Variants in ITSN1 observed in about 807,000 individuals in gnomAD.
ITSN1 encodes the protein intersectin 1, also known as intersectin-1.
In ITSN1, 58 loss-of-function variants were observed where a neutral mutation model predicts 239.8. That is an observed-to-expected ratio of 0.24 (90% CI 0.20 to 0.30). The LOEUF is 0.30. Among genes scored for constraint, ITSN1 ranks in the 10% least tolerant of loss-of-function variants. The pLI is 1.00. For missense variants in ITSN1, 1,558 were observed against 2,103.3 expected, an observed-to-expected ratio of 0.74 and a Z score of 5.07; for synonymous variants, 780 against 770.8, an observed-to-expected ratio of 1.01 and a Z score of -0.20.
chr21:33,649,484 A>C (rs2088306070), intron 1 of ITSN1, among the ~76,000 whole-genome samples: 1 of 152,174 alleles, frequency 6.6e-6, no homozygotes, highest in Admixed American at 6.5e-5. Context: ...AGCTTGCTTT[A>C]TTAGCTTACT....
intron 20 of ITSN1, among the ~76,000 whole-genome samples, chr21:33,808,912 G>A (rs921286042): frequency 2.6e-5 from 4 of 152,320 alleles, no homozygotes; most frequent in African/African-American, 9.6e-5. Flanking sequence ...CAAGGTGGCT[G>A]ATCTTGACTA....
chr21:33,797,229 G>A lies in ITSN1; in HGVS notation c.1953-150G>A. On this transcript the variant is annotated intron_variant, in intron 17 of 39. Coordinates refer to ENST00000381318, the MANE Select transcript of ITSN1 (RefSeq NM_003024.3). The surrounding 1 kb of genome is among the most constrained non-coding windows in gnomAD (Gnocchi z 4.9). The stretch of plus-strand genomic sequence containing the variant: ...TGTGATTTCTTCTCATTCAGAACTG[G>A]AGCCCTGATTCAGTTGCCCCATCTG... 1.6e-6 allele frequency: 1 copy of A among 637,604 alleles called. No homozygotes were observed. Among genetic ancestry groups the A allele is most frequent in the Non-Finnish European group, 2.8e-6 (1 of 359,332 alleles). 39.5% of individuals were successfully genotyped at this position (637,604 alleles called of 1,614,324 possible). A position where few individuals can be genotyped will look rare whatever the true frequency, so the allele number is the denominator to read the frequency against.
intron 29 of ITSN1, chr21:33,836,951 T>C (rs1429303806): frequency 2.5e-6 from 4 of 1,575,184 alleles, no homozygotes; most frequent in Non-Finnish European, 3.5e-6. Context: ...CTCATTGTTT[T>C]GTTTTGCTTA....
At chr21:33,856,936 A>G (rs1979458084) in intron 30 of ITSN1, 79 bp downstream of exon 30, 9 of 1,384,072 alleles carry the variant, frequency 6.5e-6, no homozygotes, top group South Asian at 2.4e-5. Flanking sequence ...AAGGAGGTCT[A>G]TGTCCTGATT....
chr21:33,703,430 T>C (rs2092113238), intron 1 of ITSN1, among the ~76,000 whole-genome samples: 1 of 152,158 alleles, frequency 6.6e-6, no homozygotes, highest in Non-Finnish European at 1.5e-5. Flanking sequence ...AATCTGAACA[T>C]TATCCAAACT....
chr21:33,702,196 G>T (rs1236149214), intron 1 of ITSN1, among the ~76,000 whole-genome samples: 3 of 124,534 alleles, frequency 2.4e-5, no homozygotes, highest in Non-Finnish European at 5.1e-5. Flanking sequence ...GGTCACTGCA[G>T]CCTCCGCCTC....
intron 28 of ITSN1, among the ~76,000 whole-genome samples, chr21:33,835,217 T>G (rs2834273): frequency 0.14 from 22,054 of 152,154 alleles, 1,857 homozygotes; most frequent in East Asian, 0.33. Flanking sequence ...ATGGGCAAAC[T>G]TTGTGATGAG....
chr21:33,727,234 G>T (rs933356232), intron 4 of ITSN1, among the ~76,000 whole-genome samples: 4 of 152,080 alleles, frequency 2.6e-5, no homozygotes, highest in Non-Finnish European at 1.5e-5. Context: ...GAAGTGCTTA[G>T]AATTTTTTCA....
At chr21:33,783,084 C>T (rs1602210634) in intron 16 of ITSN1, among the ~76,000 whole-genome samples, 1 of 151,900 alleles carries the variant, frequency 6.6e-6, no homozygotes, top group Admixed American at 6.6e-5. Flanking sequence ...TTCTTATAAA[C>T]AATCATATAC....
At chr21:33,841,360 TATC>T (rs2074816811) in intron 29 of ITSN1, among the ~76,000 whole-genome samples, 2 of 152,016 alleles carry the variant, frequency 1.3e-5, no homozygotes, top group Non-Finnish European at 2.9e-5. Flanking sequence ...TAGTACAATA[TATC>T]ATCACCTGGC....
chr21:33,652,370 A>G (rs1278672927), intron 1 of ITSN1, among the ~76,000 whole-genome samples: 4 of 152,136 alleles, frequency 2.6e-5, no homozygotes, highest in African/African-American at 9.7e-5. Flanking sequence ...AGCATACCTG[A>G]GGGCTGGATT....
intron 19 of ITSN1, 49 bp downstream of exon 19, chr21:33,799,978 T>G: frequency 1.9e-6 from 3 of 1,571,540 alleles, no homozygotes; most frequent in Non-Finnish European, 2.6e-6. Flanking sequence ...GATTAGCCTC[T>G]GTCCTCTTTT....
chr21:33,772,961 T>C (rs1242665825), intron 12 of ITSN1, among the ~76,000 whole-genome samples: 2 of 152,072 alleles, frequency 1.3e-5, no homozygotes, highest in African/African-American at 2.4e-5. Context: ...TAAAAACCAC[T>C]GTAATAGTAT....
In ITSN1 at chr21:33,761,407, CT is replaced by C. The variant is rs112362465; in HGVS notation, c.725-503del. Among the ~76,000 whole-genome samples, 1,017 of 145,696 alleles carry C rather than the reference CT, an allele frequency of 7.0e-3. 9 individuals carry two copies. Among genetic ancestry groups the C allele is most frequent in the African/African-American group, 0.022 (861 of 40,020 alleles). ...TCCTGGCTATTAGCGCTTCCTGCAACTTTTTTTTTTTTTCTTTTTAAGTCTG... is the reference window on the plus strand; with the variant it reads ...TCCTGGCTATTAGCGCTTCCTGCAACTTTTTTTTTTTTCTTTTTAAGTCTG... On this transcript the variant is annotated intron_variant, in intron 8 of 39. Coordinates refer to ENST00000381318, the MANE Select transcript of ITSN1 (RefSeq NM_003024.3).
At chr21:33,782,781 T>G (rs1227091424) in intron 16 of ITSN1, among the ~76,000 whole-genome samples, 1 of 152,052 alleles carries the variant, frequency 6.6e-6, no homozygotes, top group Non-Finnish European at 1.5e-5. Context: ...ATCCCAGCCC[T>G]TTGGGAGGCC....
intron 29 of ITSN1, chr21:33,838,151 C>G (rs2074692214): frequency 2.0e-5 from 20 of 985,474 alleles, no homozygotes; most frequent in Non-Finnish European, 2.4e-5. Flanking sequence ...CTTTTAAACA[C>G]TAGTTGGAAG....
rs544125988 is a variant in ITSN1, at chr21:33,702,854, G to A, written c.-32-15943G>A. Among the ~76,000 whole-genome samples the A allele has an allele frequency of 5.9e-5, 9 of 152,314 alleles. 1 individual carries two copies. The South Asian group carries it at 1.9e-3, about 32-fold the overall frequency. Reference sequence around the variant, plus strand: ...GCACTTTGGGAGGCTGAGGCGGGCAGATCACCTGAGGTCAGGAGTTCAGGA... The same window carrying A: ...GCACTTTGGGAGGCTGAGGCGGGCAAATCACCTGAGGTCAGGAGTTCAGGA... On this transcript the variant is annotated intron_variant, in intron 1 of 39. Transcript: ENST00000381318.
In ITSN1 at chr21:33,703,351, T is replaced by G. The variant is rs141931503; in HGVS notation, c.-32-15446T>G. Among the ~76,000 whole-genome samples, 316 of 152,216 alleles carry G rather than the reference T, an allele frequency of 2.1e-3. 1 individual carries two copies. The highest frequency in any genetic ancestry group is 7.3e-3 in the African/African-American group (302 of 41,550). ...TTTCTTTTGACTTTCTGTAATTGGC[T>G]CTTTTTTCCTGAAGCTGAAATGAAG... On this transcript the variant is annotated intron_variant, in intron 1 of 39. Transcript: ENST00000381318.
chr21:33,683,945 C>T (rs2146556157), intron 1 of ITSN1, among the ~76,000 whole-genome samples: 1 of 152,186 alleles, frequency 6.6e-6, no homozygotes, highest in African/African-American at 2.4e-5. Context: ...GCTATTGGAG[C>T]CGATGCCCCT....
Sources: gnomAD v4.1 joint callset for allele counts (sites outside exome capture counted in the v4.1 genomes callset) on GRCh38, gnomAD v4.1.1 for gene constraint, Gnocchi (gnomAD v3.1) non-coding constraint, MANE v1.5 for transcripts, NCBI Gene and HGNC (gene_info 2026-07-23, HGNC 2026-07-21) for gene names.